Variants in PTPRD observed in about 807,000 individuals in gnomAD.
The protein encoded by PTPRD is receptor-type tyrosine-protein phosphatase delta.
A neutral mutation model predicts 214.5 loss-of-function variants in PTPRD; 34 were observed. The ratio of observed to expected loss-of-function variants is 0.16; its 90% confidence interval spans 0.12 to 0.21. The LOEUF is 0.21. Among genes scored for constraint, PTPRD ranks in the 10% least tolerant of loss-of-function variants. The pLI is 1.00. For synonymous variants in PTPRD, 1,128 were observed against 845.7 expected, an observed-to-expected ratio of 1.33 and a Z score of -5.79; for missense variants, 2,545 against 2,398.7, an observed-to-expected ratio of 1.06 and a Z score of -1.27.
intron 11 of PTPRD, among the ~76,000 whole-genome samples, chr9:8,824,467 T>C (rs956492386): frequency 6.6e-6 from 1 of 152,230 alleles, no homozygotes; most frequent in African/African-American, 2.4e-5. Flanking sequence ...GGTTTATTTA[T>C]AACTTTTGAG....
chr9:9,046,319 T>C (rs575193352), intron 10 of PTPRD, among the ~76,000 whole-genome samples: 1 of 152,134 alleles, frequency 6.6e-6, no homozygotes, highest in South Asian at 2.1e-4. Context: ...TCCAGCAACA[T>C]GTGATTTAAA....
intron 4 of PTPRD, among the ~76,000 whole-genome samples, chr9:9,948,926 C>G (rs1456945661): frequency 6.6e-6 from 1 of 151,966 alleles, no homozygotes; most frequent in African/African-American, 2.4e-5. Context: ...AAAGCAGTAG[C>G]ATTATCTAAA....
intron 5 of PTPRD, among the ~76,000 whole-genome samples, chr9:9,914,775 T>G (rs1292160631): frequency 6.6e-6 from 1 of 152,156 alleles, no homozygotes; most frequent in Non-Finnish European, 1.5e-5. Context: ...TGTGCTCATA[T>G]CTCAGGCCTG....
Position 9,953,425 on chromosome 9 carries a change from T to G in PTPRD, c.-471-14815A>C, listed in dbSNP as rs370526413. Among the ~76,000 whole-genome samples the G allele has an allele frequency of 1.4e-3, 217 of 151,374 alleles. 6 individuals are homozygous for G. In the South Asian group the frequency reaches 0.044, roughly 31 times the overall value. On this transcript the variant is annotated intron_variant, in intron 4 of 45. Coordinates refer to ENST00000381196, the MANE Select transcript of PTPRD (RefSeq NM_002839.4). Reference sequence around the variant, plus strand: ...AACACTATAGAATTCAACCATGTAATCAAAAACTACTTATGCCCCAAAAGC... The same window carrying G: ...AACACTATAGAATTCAACCATGTAAGCAAAAACTACTTATGCCCCAAAAGC...
intron 37 of PTPRD, among the ~76,000 whole-genome samples, chr9:8,378,752 C>T (rs2084021126): frequency 6.6e-6 from 1 of 151,966 alleles, no homozygotes; most frequent in Admixed American, 6.6e-5. Context: ...GAACCAAATT[C>T]AATATAATTA....
intron 10 of PTPRD, among the ~76,000 whole-genome samples, chr9:9,122,139 C>G (rs1024178774): frequency 2.1e-4 from 32 of 152,076 alleles, no homozygotes; most frequent in African/African-American, 7.5e-4. Context: ...TCATATGTTC[C>G]TCAGTGATAT....
chr9:8,629,361 T>C (rs1051122880), intron 14 of PTPRD, among the ~76,000 whole-genome samples: 4 of 151,880 alleles, frequency 2.6e-5, no homozygotes, highest in Non-Finnish European at 4.4e-5. Flanking sequence ...TCAGAGAGAA[T>C]ATTTTCATCC....
chr9:9,317,852 T>A (rs369139483), intron 9 of PTPRD, among the ~76,000 whole-genome samples: 5 of 152,116 alleles, frequency 3.3e-5, no homozygotes, highest in East Asian at 3.9e-4. Context: ...TAACAATCTA[T>A]CAGGAAGAAA....
chr9:8,913,088 T>C (rs1463729999), intron 11 of PTPRD, among the ~76,000 whole-genome samples: 3 of 152,082 alleles, frequency 2.0e-5, no homozygotes, highest in Admixed American at 2.0e-4. Flanking sequence ...CCTTTGTAAT[T>C]CTCTTTTCTT....
At chr9:10,302,409 C>T (rs2095889645) in intron 3 of PTPRD, among the ~76,000 whole-genome samples, 1 of 152,142 alleles carries the variant, frequency 6.6e-6, no homozygotes, top group Non-Finnish European at 1.5e-5. Flanking sequence ...CAAATTCACA[C>T]ATAACAATAT....
chr9:8,804,086 G>A (rs2096626029), intron 11 of PTPRD, among the ~76,000 whole-genome samples: 1 of 151,870 alleles, frequency 6.6e-6, no homozygotes, highest in Admixed American at 6.6e-5. Flanking sequence ...CTTAGTAACT[G>A]GGATTAGAGG....
At chr9:8,545,016 C>T (rs930394132) in intron 14 of PTPRD, among the ~76,000 whole-genome samples, 3 of 149,984 alleles carry the variant, frequency 2.0e-5, no homozygotes, top group African/African-American at 7.4e-5. Context: ...CTGGGATATT[C>T]ACTTTCCTGG....
intron 4 of PTPRD, among the ~76,000 whole-genome samples, chr9:9,969,507 G>T (rs2094944046): frequency 6.6e-6 from 1 of 152,194 alleles, no homozygotes; most frequent in African/African-American, 2.4e-5. Flanking sequence ...GCTTTTAATG[G>T]AGTTTCAAGT....
intron 37 of PTPRD, among the ~76,000 whole-genome samples, chr9:8,381,182 G>A (rs978228836): frequency 3.4e-4 from 52 of 152,184 alleles, no homozygotes; most frequent in Non-Finnish European, 5.4e-4. Context: ...GTAAGGAATG[G>A]ACAAACAGGC....
At chr9:9,751,323 C>T (rs2098516875) in intron 6 of PTPRD, among the ~76,000 whole-genome samples, 1 of 151,990 alleles carries the variant, frequency 6.6e-6, no homozygotes, top group Admixed American at 6.6e-5. Flanking sequence ...GAATTAACTC[C>T]AACAAGTGGA....
At position 8,687,448 on chromosome 9, in the gene PTPRD, A is replaced by C. The variant is rs187981919; in HGVS notation, c.64+46332T>G. Among the ~76,000 whole-genome samples the C allele has an allele frequency of 3.5e-4, 54 of 152,328 alleles. 1 individual carries two copies. In the East Asian group the frequency reaches 6.2e-3, roughly 17 times the overall value. On this transcript the variant is annotated intron_variant, in intron 12 of 45. Transcript: ENST00000381196. ...GTTTGGTAAGGACAACACAAACCGT[A>C]TGTTCCAGGTATGTGATGTGAACCA...
In PTPRD at chr9:9,453,318, A is replaced by T. The variant is rs1049675039; in HGVS notation, c.-236-55836T>A. On this transcript the variant is annotated intron_variant, in intron 8 of 45. Transcript: ENST00000381196. ...TTCAGAGGCTGCCACATTTATATTAATAAGCAAATATTAAAAGTAAAACAG... is the reference window on the plus strand; with the variant it reads ...TTCAGAGGCTGCCACATTTATATTATTAAGCAAATATTAAAAGTAAAACAG... 4.0e-5 allele frequency among the ~76,000 whole-genome samples: 6 copies of T among 151,650 alleles called. No individual in the cohort carries two copies. In the South Asian group the frequency reaches 1.2e-3, roughly 31 times the overall value.
Position 10,162,728 on chromosome 9 carries a change from T to C in PTPRD, c.-544-128938A>G, listed in dbSNP as rs534157852. ...ATACACGTATATATATACATATACA[T>C]GTACATATATATATACATATACATA... On this transcript the variant is annotated intron_variant, in intron 3 of 45. Transcript: ENST00000381196. 9.1e-4 allele frequency among the ~76,000 whole-genome samples: 132 copies of C among 145,548 alleles called. 1 individual carries two copies. In the South Asian group the frequency reaches 0.028, roughly 30 times the overall value.
chr9:9,648,681 T>A (rs564176468), intron 7 of PTPRD, among the ~76,000 whole-genome samples: 1 of 152,198 alleles, frequency 6.6e-6, no homozygotes, highest in Non-Finnish European at 1.5e-5. Context: ...CTATATTTAT[T>A]GAAAACTAAT....
Sources: allele counts gnomAD v4.1 joint callset (sites outside exome capture counted in the v4.1 genomes callset), GRCh38; gene constraint gnomAD v4.1.1; transcripts MANE v1.5; gene names NCBI Gene and HGNC (gene_info 2026-07-23, HGNC 2026-07-21).